NLGN1: variants seen among roughly 807,000 people sequenced by gnomAD.
NLGN1 encodes neuroligin-1.
In NLGN1, 12 loss-of-function variants were observed where a neutral mutation model predicts 65.5. The ratio of observed to expected loss-of-function variants is 0.18; its 90% CI spans 0.12 to 0.30. The LOEUF (loss-of-function observed/expected upper bound fraction) is 0.30, where lower values mean the gene tolerates loss of function less well. Among genes scored for constraint, NLGN1 ranks in the 10% least tolerant of loss-of-function variants. NLGN1 has a pLI of 1.00. For synonymous variants in NLGN1, 350 were observed against 359.5 expected (o/e 0.97, Z 0.30); for missense variants, 750 against 1,007.1 (o/e 0.74, Z 3.46).
At chr3:173,946,252 A>C (rs1747121826) in intron 4 of NLGN1, among the ~76,000 whole-genome samples, 1 of 152,216 alleles carries the variant, frequency 6.6e-6, no homozygotes, top group Non-Finnish European at 1.5e-5. Context: ...AATCATGCAG[A>C]GATAACCAAT....
At chr3:174,174,408 A>T (rs1331206725) in intron 4 of NLGN1, among the ~76,000 whole-genome samples, 1 of 152,114 alleles carries the variant, frequency 6.6e-6, no homozygotes, top group Non-Finnish European at 1.5e-5. Flanking sequence ...ACTGTTTTTC[A>T]TAGTGGTTGT....
At chr3:173,809,299 A>G (rs182926439) in intron 4 of NLGN1, among the ~76,000 whole-genome samples, 5 of 152,296 alleles carry the variant, frequency 3.3e-5, no homozygotes, top group Non-Finnish European at 7.4e-5. Context: ...TAAACCTTGA[A>G]TTCTTAAATC....
intron 4 of NLGN1, among the ~76,000 whole-genome samples, chr3:174,211,391 A>G (rs953505685): frequency 6.6e-6 from 1 of 152,126 alleles, no homozygotes; most frequent in Admixed American, 6.5e-5. Context: ...CCATCAGATT[A>G]GTTAGATACA....
chr3:174,265,552 C>T (rs531665858), intron 4 of NLGN1, among the ~76,000 whole-genome samples: 2 of 151,752 alleles, frequency 1.3e-5, no homozygotes, highest in Admixed American at 6.6e-5. Flanking sequence ...ACACGGTGCG[C>T]GCACCCACTG....
In NLGN1 at chr3:173,866,508, G is replaced by T. The variant is rs144101421; in HGVS notation, c.646+58676G>T. Among the ~76,000 whole-genome samples, 1,259 of 152,290 alleles carry T rather than the reference G, an allele frequency of 8.3e-3. 19 individuals are homozygous for T. Among genetic ancestry groups the T allele is most frequent in the African/African-American group, 0.026 (1,092 of 41,562 alleles). Reference sequence around the variant, plus strand: ...AGAGAGACTAGTGATATTTTGTTGAGAAATTGGGCGTATGTTTGCTATAAT... The same window carrying T: ...AGAGAGACTAGTGATATTTTGTTGATAAATTGGGCGTATGTTTGCTATAAT... On this transcript the variant is annotated intron_variant, in intron 4 of 6. Transcript: ENST00000457714.
At chr3:173,831,667 G>GT (rs1174079387) in intron 4 of NLGN1, among the ~76,000 whole-genome samples, 2 of 152,056 alleles carry the variant, frequency 1.3e-5, no homozygotes, top group Non-Finnish European at 1.5e-5. Context: ...ACAGGAAGAT[G>GT]TTTTTTTCAT....
chr3:173,789,090 T>A (rs1712012763), intron 3 of NLGN1, among the ~76,000 whole-genome samples: 1 of 151,798 alleles, frequency 6.6e-6, no homozygotes, highest in East Asian at 2.0e-4. Context: ...TCCCAGCTAC[T>A]CAGGAGGCTG....
chr3:174,061,530 A>G (rs1321907338), intron 4 of NLGN1, among the ~76,000 whole-genome samples: 1 of 152,146 alleles, frequency 6.6e-6, no homozygotes, highest in African/African-American at 2.4e-5. Flanking sequence ...CCCATATAAA[A>G]TAATTGGCTG....
chr3:173,795,183 G>A (rs1021191918), intron 3 of NLGN1, among the ~76,000 whole-genome samples: 1 of 151,942 alleles, frequency 6.6e-6, no homozygotes, highest in Non-Finnish European at 1.5e-5. Context: ...TCATTGTCAT[G>A]AATGACAGAG....
At chr3:173,472,704 G>A (rs369257033) in intron 2 of NLGN1, among the ~76,000 whole-genome samples, 1 of 151,950 alleles carries the variant, frequency 6.6e-6, no homozygotes, top group African/African-American at 2.4e-5. Context: ...TTAACCTGGG[G>A]TGGGAATACA....
At chr3:173,917,238 CAA>C (rs1229591003) in intron 4 of NLGN1, among the ~76,000 whole-genome samples, 1 of 152,122 alleles carries the variant, frequency 6.6e-6, no homozygotes, top group Non-Finnish European at 1.5e-5. Context: ...AGGAAGATTA[CAA>C]AGAGACAATA....
intron 2 of NLGN1, among the ~76,000 whole-genome samples, chr3:173,577,111 A>C (rs1438360338): frequency 6.6e-6 from 1 of 152,160 alleles, no homozygotes; most frequent in Non-Finnish European, 1.5e-5. Flanking sequence ...TCTTTGGGCC[A>C]CTGTTCAAAT....
chr3:173,992,488 T>C (rs1298741735), intron 4 of NLGN1, among the ~76,000 whole-genome samples: 1 of 152,200 alleles, frequency 6.6e-6, no homozygotes. Context: ...GGCTCTTTTT[T>C]TCTCTTAAAT....
At chr3:173,583,454 G>C (rs1051881558) in intron 2 of NLGN1, among the ~76,000 whole-genome samples, 3 of 152,230 alleles carry the variant, frequency 2.0e-5, no homozygotes, top group Non-Finnish European at 4.4e-5. Flanking sequence ...AGCAACACCA[G>C]TGGTAGAAGA....
chr3:174,264,206 A>G (rs1747536553), intron 4 of NLGN1, among the ~76,000 whole-genome samples: 1 of 150,666 alleles, frequency 6.6e-6, no homozygotes, highest in African/African-American at 2.4e-5. Context: ...CGTTCTCTGT[A>G]TTTCCTGAAT....
rs372546585 is a variant in NLGN1, at chr3:173,952,376, G to C, written c.646+144544G>C. Among the ~76,000 whole-genome samples, 7 of 152,196 alleles carry C rather than the reference G, an allele frequency of 4.6e-5. No individual in the cohort carries two copies. The East Asian group carries it at 7.7e-4, about 17-fold the overall frequency. On this transcript the variant is annotated intron_variant, in intron 4 of 6. Coordinates refer to ENST00000457714, the Ensembl canonical transcript of NLGN1. ...AGCTGTTGCCTAAGAATGTACACAA[G>C]AGGTGAGACAAGGAATAGTCTTCGT... is the stretch of plus-strand genomic sequence containing the variant.
intron 2 of NLGN1, among the ~76,000 whole-genome samples, chr3:173,446,781 T>C (rs1720437054): frequency 1.3e-5 from 2 of 152,338 alleles, no homozygotes; most frequent in South Asian, 4.1e-4. Flanking sequence ...TGGGATCTCA[T>C]TGTGGTTTTG....
chr3:173,698,318 A>T (rs1232829239), intron 3 of NLGN1, among the ~76,000 whole-genome samples: 1 of 152,092 alleles, frequency 6.6e-6, no homozygotes, highest in East Asian at 1.9e-4. Context: ...CAAATCGAAG[A>T]TTTTTTTTAT....
At chr3:174,036,962 A>G in intron 4 of NLGN1, among the ~76,000 whole-genome samples, 1 of 152,174 alleles carries the variant, frequency 6.6e-6, no homozygotes, top group East Asian at 1.9e-4. Flanking sequence ...ATAGTATTCT[A>G]AGGTGTATAT....
Sources: allele counts gnomAD v4.1 joint callset (sites outside exome capture counted in the v4.1 genomes callset), GRCh38; gene constraint gnomAD v4.1.1; transcripts MANE v1.5; gene names NCBI Gene and HGNC (gene_info 2026-07-23, HGNC 2026-07-21).